The following PTPN20 variants were observed in gnomAD, a reference collection of about 807,000 sequenced individuals.
The protein encoded by PTPN20 is tyrosine-protein phosphatase non-receptor type 20.
A neutral mutation model predicts 35.0 loss-of-function variants in PTPN20; 9 were observed. The observed-to-expected ratio is 0.26, with a 90% CI of 0.15 to 0.45. The LOEUF is 0.45. Among genes scored for constraint, PTPN20 ranks in the 20% least tolerant of loss-of-function variants. The pLI is 1.00. For synonymous variants in PTPN20, 32 were observed against 100.2 expected (o/e 0.32, Z 4.06); for missense variants, 111 against 312.5 (o/e 0.36, Z 4.86).
chr10:47,001,132 C>G lies in PTPN20; in HGVS notation c.*391C>G. ...TTCCAGGACTTTGTAAGTTCTTATT[C>G]TGGGAGAACATAAGGCCAATAATCA... On this transcript the variant is annotated 3_prime_UTR_variant, in exon 11 of 11. Coordinates refer to ENST00000374339, the MANE Select transcript of PTPN20 (RefSeq NM_001042357.5). 1 of 265,108 alleles carries G rather than the reference C, an allele frequency of 3.8e-6. No homozygotes were observed. Among genetic ancestry groups the G allele is most frequent in the Admixed American group, 5.0e-5 (1 of 19,882 alleles). The allele number at this position is 265,108 out of a possible 1,614,324, so 16.4% of individuals were successfully genotyped here.
chr10:46,947,443 A>T (rs1833564267), intron 5 of PTPN20, among the ~76,000 whole-genome samples: 1 of 150,648 alleles, frequency 6.6e-6, no homozygotes, highest in African/African-American at 2.4e-5. Context: ...CTACAAAAAT[A>T]GTTTATAAGA....
chr10:46,928,808 C>T (rs2038618397), intron 1 of PTPN20, among the ~76,000 whole-genome samples: 1 of 122,946 alleles, frequency 8.1e-6, no homozygotes, highest in Non-Finnish European at 1.6e-5. Flanking sequence ...GAGGAAGGAA[C>T]TCATATCCCT....
intron 1 of PTPN20, chr10:46,911,828 C>T (rs2132030772): frequency 8.0e-6 from 1 of 124,550 alleles, no homozygotes. Flanking sequence ...GAGGAGCAGC[C>T]GTGTGGTATG....
rs1223016536 is a variant in PTPN20, at chr10:46,940,701, A to G, written c.113A>G (p.Asn38Ser). The G allele has an allele frequency of 1.9e-6, 3 of 1,610,602 alleles. No individual in the cohort carries two copies. The highest frequency in any genetic ancestry group is 2.5e-6 in the Non-Finnish European group (3 of 1,179,406). Residue 38 changes from asparagine to serine, a missense_variant, in exon 3 of 11, where the codon AAC (asparagine) becomes AGC (serine). Asn to Ser is a conservative substitution (Grantham distance 46, BLOSUM62 1). Transcript: ENST00000374339. ...RETLPSSSQE[N>S]TPRSKVFENK... ...ACTTTGCCTTCATCAAGTCAGGAAA[A>G]CACACCTAGATCAAAGGTAAGACTA...
chr10:46,923,876 G>A (rs1331249037), intron 1 of PTPN20, among the ~76,000 whole-genome samples: 1 of 152,076 alleles, frequency 6.6e-6, no homozygotes, highest in African/African-American at 2.4e-5. Context: ...TCAAAGTTTG[G>A]TAGAGTTTCT....
At position 46,936,509 on chromosome 10, in the gene PTPN20, A is replaced by G. The variant is rs782037123; in HGVS notation, c.34+3976A>G. On this transcript the variant is annotated intron_variant, in intron 2 of 10. Transcript: ENST00000374339. The stretch of plus-strand genomic sequence containing the variant: ...TTTTGTAAGGCTGTAGCTGCCATAG[A>G]TAGTGATTCTTCTGATGGCTCTGGG... Among the ~76,000 whole-genome samples, 814 of 151,798 alleles carry G rather than the reference A, an allele frequency of 5.4e-3. 4 individuals carry two copies. Among genetic ancestry groups the G allele is most frequent in the Non-Finnish European group, 6.9e-3 (467 of 67,948 alleles).
downstream of PTPN20, among the ~76,000 whole-genome samples, chr10:47,003,639 A>T (rs1370429610): frequency 6.6e-6 from 1 of 152,012 alleles, no homozygotes; most frequent in Non-Finnish European, 1.5e-5. Flanking sequence ...ATAAAGTTTT[A>T]TGCCCATTTG....
chr10:46,997,098 T>A (rs1394163427), intron 9 of PTPN20, among the ~76,000 whole-genome samples: 1 of 152,202 alleles, frequency 6.6e-6, no homozygotes, highest in African/African-American at 2.4e-5. Context: ...AATCTTCCAA[T>A]CCATGAACAT....
At chr10:46,983,779 AT>A (rs199732998) in intron 7 of PTPN20, among the ~76,000 whole-genome samples, 2,297 of 138,226 alleles carry the variant, frequency 0.017, 92 homozygotes, top group African/African-American at 0.021. Flanking sequence ...CAACTATCAG[AT>A]TTTTTTTTTC....
chr10:46,999,872 C>T, intron 9 of PTPN20, 40 bp from the exon 10 acceptor site: 4 of 1,608,912 alleles, frequency 2.5e-6, no homozygotes, highest in Non-Finnish European at 3.4e-6. Flanking sequence ...GTGTTTTTCC[C>T]CCATGTGGAT....
At chr10:46,945,028 G>A in intron 4 of PTPN20, among the ~76,000 whole-genome samples, 1 of 142,440 alleles carries the variant, frequency 7.0e-6, no homozygotes, top group Non-Finnish European at 1.5e-5. Flanking sequence ...TTTCAGGCAA[G>A]AGGGAGAAGT....
intron 5 of PTPN20, among the ~76,000 whole-genome samples, chr10:46,963,831 T>G (rs1424471816): frequency 1.3e-5 from 1 of 78,330 alleles, no homozygotes; most frequent in Admixed American, 1.2e-4. Context: ...CCAGCTTTTG[T>G]ACTAGCAAAG....
rs1332455921 is a variant in PTPN20, at chr10:46,936,579, C to T, written c.35-4044C>T. On this transcript the variant is annotated intron_variant, in intron 2 of 10. Transcript: ENST00000374339. ...TTTGGAAATAACTCCCCATTCTAGA[C>T]GCCATTAAGAACATTTGTGGTTTAT... Among the ~76,000 whole-genome samples the T allele has an allele frequency of 7.7e-3, 1,170 of 151,130 alleles. 17 individuals carry two copies. The highest frequency in any genetic ancestry group is 0.025 in the African/African-American group (1,005 of 40,922).
chr10:46,994,721 T>C (rs1006417883), intron 9 of PTPN20, among the ~76,000 whole-genome samples: 5 of 152,220 alleles, frequency 3.3e-5, no homozygotes, highest in Admixed American at 1.3e-4. Context: ...TACCCCTTGC[T>C]CTTGTTCAAC....
intron 4 of PTPN20, among the ~76,000 whole-genome samples, chr10:46,945,067 A>G (rs563526488): frequency 1.4e-5 from 2 of 140,378 alleles, no homozygotes; most frequent in East Asian, 2.0e-4. Flanking sequence ...TTGTGAAAAT[A>G]TCTTAGGGGT....
At position 46,999,979 on chromosome 10, in the gene PTPN20, GC is replaced by G; in HGVS notation, c.1197+6del. ...TCTGGCATGGTTCAAACGAAGGTAAGCTTTCACCACATACATAATAATAAGA... is the reference window on the plus strand; with the variant it reads ...TCTGGCATGGTTCAAACGAAGGTAAGTTTCACCACATACATAATAATAAGA... On this transcript the variant is annotated splice_donor_region_variant and intron_variant, in intron 10 of 10. Transcript: ENST00000374339. 6.2e-7 allele frequency: 1 copy of G among 1,613,716 alleles called. No individual in the cohort carries two copies. Among genetic ancestry groups the G allele is most frequent in the Non-Finnish European group, 8.5e-7 (1 of 1,179,702 alleles).
At chr10:46,957,592 G>A (rs1332478207) in intron 5 of PTPN20, among the ~76,000 whole-genome samples, 6 of 152,040 alleles carry the variant, frequency 3.9e-5, no homozygotes, top group Non-Finnish European at 5.9e-5. Context: ...TTAGCCAGAC[G>A]TGGTAGCAGT....
At chr10:46,960,714 AT>A (rs1300139150) in intron 5 of PTPN20, among the ~76,000 whole-genome samples, 2 of 152,128 alleles carry the variant, frequency 1.3e-5, no homozygotes, top group East Asian at 3.8e-4. Flanking sequence ...GTACTCTATA[AT>A]TTTTTGGTTG....
chr10:46,965,910 TCTTATTGGTTAC>T (rs2050434485), intron 6 of PTPN20, among the ~76,000 whole-genome samples: 1 of 57,304 alleles, frequency 1.7e-5, no homozygotes, highest in Non-Finnish European at 2.7e-5. Flanking sequence ...TTTTTTTTTT[TCTTATTGGTTAC>T]TCTTTTTTTT....
Sources: allele counts gnomAD v4.1 joint callset (sites outside exome capture counted in the v4.1 genomes callset), GRCh38; gene constraint gnomAD v4.1.1; transcripts MANE v1.5; gene names NCBI Gene and HGNC (gene_info 2026-07-23, HGNC 2026-07-21).